The following CAPN1 variants were observed in gnomAD, a reference collection of about 807,000 sequenced individuals.
CAPN1 encodes calpain 1, also known as calpain-1 catalytic subunit.
In CAPN1, 77 loss-of-function variants were observed where a neutral mutation model predicts 105.2. The observed-to-expected ratio is 0.73, with a 90% CI of 0.61 to 0.88. CAPN1 has a LOEUF of 0.88. Ranked by LOEUF, CAPN1 falls within the 40% of genes least tolerant of loss-of-function variation. CAPN1 has a pLI of 0.00. For missense variants in CAPN1, 833 were observed against 976.6 expected, an observed-to-expected ratio of 0.85 and a Z score of 1.96; for synonymous variants, 355 against 388.8, an observed-to-expected ratio of 0.91 and a Z score of 1.02.
intron 10 of CAPN1, among the ~76,000 whole-genome samples, chr11:65,189,068 G>A (rs997699039): frequency 9.9e-5 from 15 of 151,816 alleles, no homozygotes; most frequent in Admixed American, 3.3e-4. Flanking sequence ...CTGTTGCCCA[G>A]GCTGGAGTGC....
Position 65,188,293 on chromosome 11 carries a change from T to G in CAPN1, c.930-121T>G. 2 of 878,660 alleles carry G rather than the reference T, an allele frequency of 2.3e-6. No individual in the cohort carries two copies. The highest frequency in any genetic ancestry group is 3.5e-6 in the Non-Finnish European group (2 of 567,250). The allele number at this position is 878,660 out of a possible 1,614,324, so 54.4% of individuals were successfully genotyped here. ...CCCCTAGAAGCGGAACCTTGGCGCT[T>G]GACCTTGAGGAGGCCACCTGGGCTG... On this transcript the variant is annotated intron_variant, in intron 8 of 21. Coordinates refer to ENST00000279247, the MANE Select transcript of CAPN1 (RefSeq NM_005186.4). This position sits in a 1 kb window ranked among gnomAD's most constrained non-coding sequence, Gnocchi z 5.5.
At chr11:65,183,062 TG>T in intron 2 of CAPN1, 65 bp from the exon 3 acceptor site, 2 of 1,609,162 alleles carry the variant, frequency 1.2e-6, no homozygotes, top group Non-Finnish European at 1.7e-6. Context: ...GAATGGGGTC[TG>T]GGGTGGCCTG....
In CAPN1 at chr11:65,185,870, G is replaced by T. The variant is rs80137792; in HGVS notation, c.457-47G>T. ...AGGTAGGGGTAAGGATGGAGCTCAG[G>T]TCCGGGGGATTCCAAAGCAGGTACT... On this transcript the variant is annotated intron_variant, in intron 4 of 21. Coordinates refer to ENST00000279247, the MANE Select transcript of CAPN1 (RefSeq NM_005186.4). 8.3e-4 allele frequency: 1,293 copies of T among 1,550,756 alleles called. 11 individuals carry two copies. The African/African-American group carries it at 0.015, about 17-fold the overall frequency.
In CAPN1 at chr11:65,208,246, T is replaced by C; in HGVS notation, c.1713T>C (p.Asn571=). The C allele has an allele frequency of 6.4e-7, 1 of 1,569,242 alleles. No homozygotes were observed. ...ISVKELRTIL[N]RIISKHKDLR... is the part of the protein sequence containing the mutation. ...TGAAGGAGTTGCGGACAATCCTCAA[T>C]AGGATCATCAGCAAACGTGAGTCCC... Residue 571 remains asparagine, a synonymous_variant, in exon 16 of 22, where the codon AAT becomes AAC. Coordinates refer to ENST00000279247, the MANE Select transcript of CAPN1 (RefSeq NM_005186.4). The surrounding 1 kb of genome is among the most constrained non-coding windows in gnomAD (Gnocchi z 4.1).
At position 65,210,489 on chromosome 11, in the gene CAPN1, G is replaced by A. The variant is rs368270727; in HGVS notation, c.2059+37G>A. ...CAACTGCCTCCCACCCTCCAGCTCC[G>A]TCCCAAACGCGTCCCCCAGGAGCTG... On this transcript the variant is annotated intron_variant, in intron 20 of 21. Coordinates refer to ENST00000279247, the MANE Select transcript of CAPN1 (RefSeq NM_005186.4). The surrounding 1 kb of genome is among the most constrained non-coding windows in gnomAD (Gnocchi z 4.3). The A allele has an allele frequency of 1.0e-4, 132 of 1,261,644 alleles. No individual in the cohort carries two copies. Among genetic ancestry groups the A allele is most frequent in the East Asian group, 7.6e-4 (32 of 42,384 alleles). 78.2% of individuals were successfully genotyped at this position (1,261,644 alleles called of 1,614,324 possible). A position where few individuals can be genotyped will look rare whatever the true frequency, so the allele number is the denominator to read the frequency against.
At chr11:65,181,679 C>G (rs989214656), upstream of CAPN1, 10 of 314,922 alleles carry the variant, frequency 3.2e-5, 1 homozygote, top group South Asian at 1.5e-4. The surrounding 1 kb of genome is among the most constrained non-coding windows in gnomAD (Gnocchi z 4.6). Context: ...GCCCCCCCAT[C>G]CCCCCCCGCG....
chr11:65,201,387 G>A (rs1392563027), intron 10 of CAPN1, among the ~76,000 whole-genome samples: 5 of 152,174 alleles, frequency 3.3e-5, no homozygotes, highest in Non-Finnish European at 2.9e-5. Flanking sequence ...TGTGCCTGGT[G>A]CAGGACGCTT....
chr11:65,188,482 A>G lies in CAPN1; in HGVS notation c.998A>G (p.Glu333Gly). ...DQLRVKMEDGEFWMSFRDFMR... is the reference protein window; with the variant it reads ...DQLRVKMEDGGFWMSFRDFMR... ...CTCCGGGTCAAGATGGAGGACGGGG[A>G]GTTCTGGTGAGCGCCCCCTCCCCTT... is the stretch of plus-strand genomic sequence containing the variant. The change falls in exon 9 of 22, where the codon GAG (glutamate) becomes GGG (glycine). Residue 333 changes from glutamate to glycine, a missense_variant. Transcript: ENST00000279247. This position sits in a 1 kb window ranked among gnomAD's most constrained non-coding sequence, Gnocchi z 5.5. The G allele has an allele frequency of 1.2e-6, 2 of 1,612,794 alleles. No homozygotes were observed. The highest frequency in any genetic ancestry group is 1.7e-6 in the Non-Finnish European group (2 of 1,179,344).
chr11:65,196,978 G>A (rs890994676), intron 10 of CAPN1, among the ~76,000 whole-genome samples: 9 of 152,160 alleles, frequency 5.9e-5, no homozygotes, highest in South Asian at 2.1e-4. Flanking sequence ...CTGAGCCTAT[G>A]AGGCAGGAAC....
chr11:65,210,656 G>A lies in CAPN1; in HGVS notation c.2060-158G>A, dbSNP rs1327836477. On this transcript the variant is annotated intron_variant, in intron 20 of 21. Coordinates refer to ENST00000279247, the MANE Select transcript of CAPN1 (RefSeq NM_005186.4). The surrounding 1 kb of genome is among the most constrained non-coding windows in gnomAD (Gnocchi z 4.3). ...GAGGGAGTTGACAGTGGCTTCTCAG[G>A]CAGCAGGAAGGGGTGAAGCTTCCCA... Among the ~76,000 whole-genome samples, 1 of 152,126 alleles carries A rather than the reference G, an allele frequency of 6.6e-6. No homozygotes were observed. Among genetic ancestry groups the A allele is most frequent in the Admixed American group, 6.5e-5 (1 of 15,282 alleles).
At chr11:65,193,962 A>ATTTTTT (rs60784154) in intron 10 of CAPN1, among the ~76,000 whole-genome samples, 27 of 76,230 alleles carry the variant, frequency 3.5e-4, no homozygotes, top group African/African-American at 6.8e-4. Context: ...CTTTGGATTG[A>ATTTTTT]TTTTTTTTTT....
Position 65,211,365 on chromosome 11 carries a change from G to C in CAPN1, c.*79G>C. ...CTCGCCTCCTACCACACCACACCAG[G>C]CCACCCCAGCTGCAAGTGCCTTCCT... is the stretch of plus-strand genomic sequence containing the variant. On this transcript the variant is annotated 3_prime_UTR_variant, in exon 22 of 22. Transcript: ENST00000279247. The C allele has an allele frequency of 7.0e-7, 1 of 1,419,478 alleles. No individual in the cohort carries two copies. The highest frequency in any genetic ancestry group is 9.8e-7 in the Non-Finnish European group (1 of 1,018,882). The allele number at this position is 1,419,478 out of a possible 1,614,324, so 87.9% of individuals were successfully genotyped here.
intron 12 of CAPN1, 67 bp downstream of exon 12, chr11:65,205,788 G>T (rs899484042): frequency 2.0e-6 from 3 of 1,466,224 alleles, no homozygotes; most frequent in Non-Finnish European, 2.9e-6. Context: ...GAGCAACCCA[G>T]TGGCAAACCC....
intron 10 of CAPN1, among the ~76,000 whole-genome samples, chr11:65,196,336 T>C (rs935979074): frequency 3.3e-5 from 5 of 152,168 alleles, no homozygotes; most frequent in African/African-American, 1.2e-4. Context: ...GTTTCTTTTT[T>C]TAATTTAATA....
rs201602806 is a variant in CAPN1, at chr11:65,188,008, C to T, written c.897C>T (p.Gly299=). The T allele has an allele frequency of 1.8e-5, 28 of 1,561,308 alleles. No homozygotes were observed. The African/African-American group carries it at 2.0e-4, about 11-fold the overall frequency. The change falls in exon 8 of 22, where the codon GGC becomes GGT. Residue 299 remains glycine (G), a synonymous_variant. Coordinates refer to ENST00000279247, the MANE Select transcript of CAPN1 (RefSeq NM_005186.4). This position sits in a 1 kb window ranked among gnomAD's most constrained non-coding sequence, Gnocchi z 5.5. The part of the protein sequence containing the change: ...VSLIRMRNPW[G]EVEWTGAWSD... Reference sequence around the variant, plus strand: ...TGATCCGGATGCGGAACCCCTGGGGCGAGGTGGAGTGGACGGGAGCCTGGA... The same window carrying T: ...TGATCCGGATGCGGAACCCCTGGGGTGAGGTGGAGTGGACGGGAGCCTGGA...
rs746720553 is a variant in CAPN1 at position 65,188,667 on chromosome 11, C to T, written c.1086C>T (p.Thr362=). 1 of 1,613,832 alleles carries T rather than the reference C, an allele frequency of 6.2e-7. No individual in the cohort carries two copies. Among genetic ancestry groups the T allele is most frequent in the Admixed American group, 1.7e-5 (1 of 60,004 alleles). ...CACCCGACGCCCTCAAGAGCCGGAC[C>T]ATCCGCAAATGGAACACCACACTCT... is the stretch of plus-strand genomic sequence containing the variant. ...NLTPDALKSR[T]IRKWNTTLYE... is the part of the protein sequence containing the mutation. The change falls in exon 10 of 22, where the codon ACC becomes ACT. Residue 362 remains threonine, a synonymous_variant. Transcript: ENST00000279247. This position sits in a 1 kb window ranked among gnomAD's most constrained non-coding sequence, Gnocchi z 5.5.
At position 65,182,905 on chromosome 11, in the gene CAPN1, G is replaced by C. The variant is rs17881440; in HGVS notation, c.204G>C (p.Leu68=). ...DEAFPPVPQS[L]GYKDLGPNSS... ...CCTTCCCCCCGGTACCCCAGAGCCT[G>C]GGTTACAAGGACCTGGGTCCCAATT... is the stretch of plus-strand genomic sequence containing the variant. The change falls in exon 2 of 22, where the codon CTG becomes CTC. Residue 68 remains leucine, a synonymous_variant. Coordinates refer to ENST00000279247, the MANE Select transcript of CAPN1 (RefSeq NM_005186.4). 2,179 of 1,610,132 alleles carry C rather than the reference G, an allele frequency of 1.4e-3. 17 individuals carry two copies. Among genetic ancestry groups the C allele is most frequent in the South Asian group, 0.011 (1,028 of 90,338 alleles).
In CAPN1 at chr11:65,182,818, C is replaced by G; in HGVS notation, c.117C>G (p.Gly39=). ...ATGAGAATGCCATCAAGTACCTGGGCCAGGATTATGAGCAGCTGCGGGTGC... is the reference window on the plus strand; with the variant it reads ...ATGAGAATGCCATCAAGTACCTGGGGCAGGATTATGAGCAGCTGCGGGTGC... ...GRHENAIKYL[G]QDYEQLRVRC... Residue 39 remains glycine, a synonymous_variant, in exon 2 of 22, where the codon GGC becomes GGG. Transcript: ENST00000279247. The G allele has an allele frequency of 6.3e-7, 1 of 1,592,876 alleles. No individual in the cohort carries two copies. The highest frequency in any genetic ancestry group is 2.3e-5 in the East Asian group (1 of 43,550).
intron 10 of CAPN1, among the ~76,000 whole-genome samples, chr11:65,195,086 T>C (rs1448757788): frequency 6.7e-6 from 1 of 149,696 alleles, no homozygotes; most frequent in Non-Finnish European, 1.5e-5. Context: ...GTGGTATCAC[T>C]GAAGTTTTTT....
Sources: allele counts gnomAD v4.1 joint callset (sites outside exome capture counted in the v4.1 genomes callset), GRCh38; gene constraint gnomAD v4.1.1; non-coding constraint Gnocchi (gnomAD v3.1); transcripts MANE v1.5; gene names NCBI Gene and HGNC (gene_info 2026-07-23, HGNC 2026-07-21).